MKRN1: variants seen among roughly 807,000 people sequenced by gnomAD.
The protein encoded by MKRN1 is E3 ubiquitin-protein ligase makorin-1.
MKRN1 carries 9 observed loss-of-function variants against 55.5 expected under a neutral mutation model. That is an observed-to-expected ratio of 0.16 (90% confidence interval 0.10 to 0.28). The LOEUF is 0.28. Ranked by LOEUF, MKRN1 falls within the 10% of genes least tolerant of loss-of-function variation. The probability of loss-of-function intolerance (pLI) is 1.00; values close to 1 mark genes in which losing one functional copy is unlikely to be tolerated. For synonymous variants in MKRN1, 253 were observed against 235.9 expected (o/e 1.07, Z -0.66); for missense variants, 488 against 626.7 (o/e 0.78, Z 2.36).
chr7:140,454,378 A>G lies in MKRN1; in HGVS notation c.*139T>C. 1 of 729,180 alleles carries G rather than the reference A, an allele frequency of 1.4e-6. No homozygotes were observed. Among genetic ancestry groups the G allele is most frequent in the Non-Finnish European group, 2.3e-6 (1 of 428,022 alleles). 45.2% of individuals were successfully genotyped at this position (729,180 alleles called of 1,614,324 possible). A position where few individuals can be genotyped will look rare whatever the true frequency, so the allele number is the denominator to read the frequency against. On this transcript the variant is annotated 3_prime_UTR_variant, in exon 8 of 8. Transcript: ENST00000255977. ...GGGAAAGGTGAGGGGTTGAGAAGAC[A>G]GGCCCTGGGTAAAAATTCTTAGGAC... is the stretch of plus-strand genomic sequence containing the variant.
rs1794391874 is a variant in MKRN1, at chr7:140,453,614, G to A, written c.*903C>T. On this transcript the variant is annotated 3_prime_UTR_variant, in exon 8 of 8. Transcript: ENST00000255977. Reference sequence around the variant, plus strand: ...TAACCAGGTAGTTTTAACCTCTATGGCTAACCCCATTTCTCTATTTATATA... The same window carrying A: ...TAACCAGGTAGTTTTAACCTCTATGACTAACCCCATTTCTCTATTTATATA... 6.6e-6 allele frequency: 1 copy of A among 152,286 alleles called. No homozygotes were observed. The highest frequency in any genetic ancestry group is 1.5e-5 in the Non-Finnish European group (1 of 68,026). The allele number at this position is 152,286 out of a possible 1,614,324, so 9.4% of individuals were successfully genotyped here. A position where few individuals can be genotyped will look rare whatever the true frequency, so the allele number is the denominator to read the frequency against.
chr7:140,471,284 A>T (rs1360242345), intron 2 of MKRN1, among the ~76,000 whole-genome samples: 2 of 151,286 alleles, frequency 1.3e-5, no homozygotes, highest in African/African-American at 4.9e-5. Flanking sequence ...GGCTGAGGTG[A>T]GAGGATCATT....
At chr7:140,461,879 A>G (rs1339633836) in intron 2 of MKRN1, among the ~76,000 whole-genome samples, 5 of 152,128 alleles carry the variant, frequency 3.3e-5, no homozygotes, top group African/African-American at 1.2e-4. Flanking sequence ...GCTACTTGGG[A>G]GGCAGAGGCA....
At chr7:140,455,542 C>T (rs1381557597) in intron 6 of MKRN1, 2 of 559,270 alleles carry the variant, frequency 3.6e-6, no homozygotes, top group South Asian at 2.5e-5. Flanking sequence ...AAGGTAGAAC[C>T]CCACTCATGG....
chr7:140,463,194 G>A (rs1585475138), intron 2 of MKRN1, among the ~76,000 whole-genome samples: 2 of 152,306 alleles, frequency 1.3e-5, no homozygotes, highest in Admixed American at 6.5e-5. Context: ...AAAACCCAAT[G>A]CATTGTTCTA....
intron 6 of MKRN1, 118 bp from the exon 7 acceptor site, chr7:140,455,351 C>G: frequency 8.0e-7 from 1 of 1,253,562 alleles, no homozygotes; most frequent in South Asian, 1.4e-5. Context: ...TTACAGCCCT[C>G]CCCAAGATGT....
In MKRN1 at chr7:140,479,185, CGCCGCCGCT is replaced by C; in HGVS notation, c.151_159del (p.Ser51_Gly53del). On this transcript the variant is annotated inframe_deletion, in exon 1 of 8. Transcript: ENST00000255977. ...CTGCAGGTGACCTGTTTAGTCCAGC[CGCCGCCGCT>C]GCCGTCGCTGCCGCCGCCCCCTCCG... 1.4e-6 allele frequency: 2 copies of C among 1,459,306 alleles called. No individual in the cohort carries two copies. The highest frequency in any genetic ancestry group is 3.0e-5 in the East Asian group (1 of 33,062). 90.4% of individuals were successfully genotyped at this position (1,459,306 alleles called of 1,614,324 possible).
intron 1 of MKRN1, among the ~76,000 whole-genome samples, chr7:140,476,408 G>C (rs761935687): frequency 1.1e-4 from 16 of 144,192 alleles, no homozygotes; most frequent in Non-Finnish European, 2.1e-4. Flanking sequence ...GGAGGCAGAG[G>C]TTGCAGTGAG....
At chr7:140,479,035 G>A (rs1795209478) in intron 1 of MKRN1, 125 bp downstream of exon 1, 2 of 1,162,088 alleles carry the variant, frequency 1.7e-6, no homozygotes, top group South Asian at 7.6e-5. Context: ...CAGAGATCGA[G>A]ACAACGCCGG....
chr7:140,462,792 G>A (rs1024591959), intron 2 of MKRN1, among the ~76,000 whole-genome samples: 15 of 151,790 alleles, frequency 9.9e-5, no homozygotes, highest in African/African-American at 3.4e-4. Context: ...GTGAAACCCC[G>A]TCTCTACTAA....
chr7:140,459,935 A>T lies in MKRN1; in HGVS notation c.316T>A (p.Tyr106Asn), dbSNP rs1253907200. 6.2e-7 allele frequency: 1 copy of T among 1,611,854 alleles called. No homozygotes were observed. The highest frequency in any genetic ancestry group is 1.1e-5 in the South Asian group (1 of 91,034). Residue 106 changes from tyrosine to asparagine, a missense_variant and splice_region_variant, in exon 3 of 8, where the codon TAT becomes AAT. Tyr to Asn is a moderately radical substitution (Grantham distance 143). Coordinates refer to ENST00000255977, the MANE Select transcript of MKRN1 (RefSeq NM_013446.4). ...GYCIYGDRCR[Y>N]EHSKPLKQEE... ...TGTTTCAATGGTTTGCTATGTTCATATCTAAGAAAAAATTCAAAAGTAAGC... is the reference window on the plus strand; with the variant it reads ...TGTTTCAATGGTTTGCTATGTTCATTTCTAAGAAAAAATTCAAAAGTAAGC...
intron 1 of MKRN1, among the ~76,000 whole-genome samples, chr7:140,476,172 G>T (rs1764160024): frequency 6.6e-6 from 1 of 152,106 alleles, no homozygotes; most frequent in African/African-American, 2.4e-5. Context: ...ACCTCTACCT[G>T]ATTCTTTAGG....
Position 140,472,010 on chromosome 7 carries a change from A to C in MKRN1, c.187T>G (p.Tyr63Asp). Residue 63 changes from tyrosine (Y) to aspartate (D), a missense_variant and splice_region_variant, in exon 2 of 8, where the codon TAT (tyrosine) becomes GAT (aspartate). By Grantham distance (160) the Tyr-to-Asp change is radical. Transcript: ENST00000255977. ...GGWTKQVTCR[Y>D]FMHGVCKEGD... ...TCCTTACAAACCCCATGCATAAAAT[A>C]CCTGTGAGACGAAAGACCACAAAAC... 6.2e-7 allele frequency: 1 copy of C among 1,614,002 alleles called. No individual in the cohort carries two copies.
At chr7:140,476,471 CAAAAA>C (rs59392050) in intron 1 of MKRN1, among the ~76,000 whole-genome samples, 2 of 72,566 alleles carry the variant, frequency 2.8e-5, no homozygotes, top group Non-Finnish European at 4.9e-5. Flanking sequence ...CACTCCATCT[CAAAAA>C]AAAAAAAAAA....
intron 2 of MKRN1, among the ~76,000 whole-genome samples, chr7:140,468,313 G>A (rs1585484666): frequency 6.6e-6 from 1 of 152,074 alleles, no homozygotes; most frequent in Non-Finnish European, 1.5e-5. Context: ...CTCAATACCT[G>A]CAGAGACTAT....
intron 7 of MKRN1, 100 bp downstream of exon 7, chr7:140,454,995 A>T: frequency 6.7e-7 from 1 of 1,494,704 alleles, no homozygotes; most frequent in Non-Finnish European, 9.1e-7. Flanking sequence ...TTTCGCTCCC[A>T]GACCTGAGCG....
chr7:140,475,586 C>A (rs1241541690), intron 1 of MKRN1, among the ~76,000 whole-genome samples: 2 of 152,004 alleles, frequency 1.3e-5, no homozygotes, highest in Non-Finnish European at 2.9e-5. Context: ...ATTGCTTGAG[C>A]CTGGGAGGTG....
In MKRN1 at chr7:140,467,696, T is replaced by C. The variant is rs138277443; in HGVS notation, c.314+4187A>G. ...GGGGCGGGCAAAGTTGCCTGAAAAATAAGATGGTTAATACACAGAGCCCAG... is the reference window on the plus strand; with the variant it reads ...GGGGCGGGCAAAGTTGCCTGAAAAACAAGATGGTTAATACACAGAGCCCAG... On this transcript the variant is annotated intron_variant, in intron 2 of 7. Transcript: ENST00000255977. Among the ~76,000 whole-genome samples the C allele has an allele frequency of 3.9e-3, 588 of 151,988 alleles. 3 individuals carry two copies. Among genetic ancestry groups the C allele is most frequent in the African/African-American group, 0.014 (566 of 41,512 alleles).
In MKRN1 at chr7:140,459,126, C is replaced by T. The variant is rs1455087216; in HGVS notation, c.652G>A (p.Ala218Thr). 1.2e-6 allele frequency: 2 copies of T among 1,613,838 alleles called. No individual in the cohort carries two copies. Among genetic ancestry groups the T allele is most frequent in the Non-Finnish European group, 1.7e-6 (2 of 1,179,880 alleles). The change falls in exon 4 of 8, where the codon GCA (alanine) becomes ACA (threonine). Residue 218 changes from alanine (A) to threonine (T), a missense_variant. Around this residue, in one of 2 missense-constraint regions of MKRN1, gnomAD observed 278 missense variants for 406.7 expected, o/e 0.68. Coordinates refer to ENST00000255977, the MANE Select transcript of MKRN1 (RefSeq NM_013446.4). ...TCCCCGTATCGGCACTCTCCCACTGCAGCATAGGGGCACAGCTGCTTCTTT... is the reference window on the plus strand; with the variant it reads ...TCCCCGTATCGGCACTCTCCCACTGTAGCATAGGGGCACAGCTGCTTCTTT... ...ETKKQLCPYA[A>T]VGECRYGENC...
Sources: allele counts gnomAD v4.1 joint callset (sites outside exome capture counted in the v4.1 genomes callset), GRCh38; gene constraint gnomAD v4.1.1; regional missense constraint gnomAD v4.1.1; transcripts MANE v1.5; gene names NCBI Gene and HGNC (gene_info 2026-07-23, HGNC 2026-07-21).